PDE11A: variants seen among roughly 807,000 people sequenced by gnomAD.
PDE11A encodes the protein phosphodiesterase 11A.
A neutral mutation model predicts 100.5 loss-of-function variants in PDE11A; 100 were observed. That is an observed-to-expected ratio of 1.00 (90% CI 0.85 to 1.18). The LOEUF is 1.18. Ranked by LOEUF, PDE11A falls within the 50% of genes most tolerant of loss-of-function variation. PDE11A has a pLI of 0.00. For synonymous variants in PDE11A, 381 were observed against 420.8 expected, an observed-to-expected ratio of 0.91 and a Z score of 1.16; for missense variants, 1,141 against 1,152.6, an observed-to-expected ratio of 0.99 and a Z score of 0.15.
chr2:178,084,583 G>A (rs900733800), intron 2 of PDE11A, among the ~76,000 whole-genome samples: 2 of 152,150 alleles, frequency 1.3e-5, no homozygotes, highest in Non-Finnish European at 2.9e-5. Context: ...CAGGCTGCAA[G>A]CAACTATACA....
intron 2 of PDE11A, among the ~76,000 whole-genome samples, chr2:178,099,118 T>C (rs2087530339): frequency 6.6e-6 from 1 of 152,224 alleles, no homozygotes; most frequent in Non-Finnish European, 1.5e-5. Context: ...TTTATCCATT[T>C]ACTGATGTTT....
chr2:177,893,509 C>A (rs1488514535), intron 4 of PDE11A, among the ~76,000 whole-genome samples: 1 of 152,178 alleles, frequency 6.6e-6, no homozygotes, highest in Non-Finnish European at 1.5e-5. Flanking sequence ...ATGAGTAATT[C>A]CTCCCCTGAA....
intron 9 of PDE11A, among the ~76,000 whole-genome samples, chr2:177,794,308 C>T (rs1398153759): frequency 1.3e-5 from 2 of 152,138 alleles, no homozygotes; most frequent in East Asian, 3.9e-4. Flanking sequence ...GGTCCTATGG[C>T]ACAAATGTGC....
In PDE11A at chr2:177,849,768, C is replaced by T. The variant is rs1384719194; in HGVS notation, c.1368-9385G>A. Among the ~76,000 whole-genome samples the T allele has an allele frequency of 1.3e-4, 19 of 143,242 alleles. No individual in the cohort carries two copies. The South Asian group carries it at 1.9e-3, about 14-fold the overall frequency. The allele number at this position is 143,242 out of a possible 152,430, so 94.0% of individuals were successfully genotyped here. A position where few individuals can be genotyped will look rare whatever the true frequency, so the allele number is the denominator to read the frequency against. On this transcript the variant is annotated intron_variant, in intron 5 of 19. Transcript: ENST00000286063. Reference sequence around the variant, plus strand: ...TCGTGCCACTGCACTCCAGCCTGGGCGACAGAGCGAGACTCCATCTCAAAA... The same window carrying T: ...TCGTGCCACTGCACTCCAGCCTGGGTGACAGAGCGAGACTCCATCTCAAAA...
At chr2:177,925,700 C>T (rs1254221361) in intron 2 of PDE11A, among the ~76,000 whole-genome samples, 1 of 152,166 alleles carries the variant, frequency 6.6e-6, no homozygotes, top group Non-Finnish European at 1.5e-5. Flanking sequence ...TACCAAGAAG[C>T]TTACAAGGCA....
intron 19 of PDE11A, among the ~76,000 whole-genome samples, chr2:177,659,440 A>G (rs2080442628): frequency 1.3e-5 from 2 of 152,292 alleles, no homozygotes; most frequent in East Asian, 3.9e-4. Flanking sequence ...TTCTGGCTAG[A>G]TGCTGGCCAG....
intron 9 of PDE11A, among the ~76,000 whole-genome samples, chr2:177,787,640 A>T (rs1039896828): frequency 2.0e-5 from 3 of 150,030 alleles, no homozygotes; most frequent in African/African-American, 7.3e-5. Context: ...TATTCAGGAA[A>T]CCCATCTCAC....
intron 5 of PDE11A, among the ~76,000 whole-genome samples, chr2:177,853,933 T>C (rs1013196790): frequency 6.8e-6 from 1 of 148,008 alleles, no homozygotes; most frequent in Admixed American, 6.9e-5. Context: ...TGTATATATA[T>C]GTGTGTATAT....
At chr2:177,820,163 TA>T in intron 7 of PDE11A, 56 bp downstream of exon 7, 2 of 939,844 alleles carry the variant, frequency 2.1e-6, no homozygotes, top group Non-Finnish European at 3.5e-6. Flanking sequence ...GGGAATATTT[TA>T]AAGCAAACTT....
intron 2 of PDE11A, among the ~76,000 whole-genome samples, chr2:178,079,346 G>A (rs1167475642): frequency 6.6e-6 from 1 of 151,510 alleles, no homozygotes; most frequent in Non-Finnish European, 1.5e-5. Context: ...CCATGTCCAT[G>A]TGTTCTCATT....
chr2:177,759,651 A>G (rs530397110), intron 10 of PDE11A, among the ~76,000 whole-genome samples: 1 of 152,324 alleles, frequency 6.6e-6, no homozygotes, highest in Admixed American at 6.5e-5. Flanking sequence ...TGTAAGGAAG[A>G]CAGGCGAGAT....
chr2:178,073,083 GAGGCCCAGC>G (rs1414203853), upstream of PDE11A: 1 of 985,254 alleles, frequency 1.0e-6, no homozygotes, highest in African/African-American at 1.7e-5. Context: ...GCGTTTCGAG[GAGGCCCAGC>G]GGGAGCCCAG....
intron 2 of PDE11A, among the ~76,000 whole-genome samples, chr2:178,088,076 C>T (rs2087380846): frequency 6.6e-6 from 1 of 152,202 alleles, no homozygotes; most frequent in East Asian, 1.9e-4. Context: ...CCCTGACTCA[C>T]ATGATGGCGC....
At chr2:177,874,120 G>A (rs377358142) in intron 5 of PDE11A, among the ~76,000 whole-genome samples, 6 of 152,090 alleles carry the variant, frequency 3.9e-5, no homozygotes, top group East Asian at 1.9e-4. Flanking sequence ...TTTAAATGAC[G>A]TGTGGTTATG....
chr2:177,933,271 C>G lies in PDE11A; in HGVS notation c.1072-28084G>C, dbSNP rs116287404. Among the ~76,000 whole-genome samples, 1,480 of 152,170 alleles carry G rather than the reference C, an allele frequency of 9.7e-3. 22 individuals carry two copies. Among genetic ancestry groups the G allele is most frequent in the African/African-American group, 0.034 (1,405 of 41,514 alleles). On this transcript the variant is annotated intron_variant, in intron 2 of 19. Transcript: ENST00000286063. ...TATTGCTCAAAGCAATCTATAGGTT[C>G]AACACTATTTCTATCAAACTACCAA...
rs533698418 is a variant in PDE11A at position 177,878,036 on chromosome 2, A to G, written c.1303-2113T>C. ...CTTTATCAGTGAGGTAATGAACTCA[A>G]GCTAGGCAAATGCAACATTAGGGAA... On this transcript the variant is annotated intron_variant, in intron 4 of 19. Coordinates refer to ENST00000286063, the MANE Select transcript of PDE11A (RefSeq NM_016953.4). 9.8e-5 allele frequency among the ~76,000 whole-genome samples: 15 copies of G among 152,330 alleles called. No individual in the cohort carries two copies. In the South Asian group the frequency reaches 3.1e-3, roughly 32 times the overall value.
chr2:177,689,411 T>C (rs544784422), intron 15 of PDE11A, among the ~76,000 whole-genome samples: 2 of 152,146 alleles, frequency 1.3e-5, no homozygotes, highest in South Asian at 2.1e-4. Context: ...AACTCCAGAG[T>C]TGTCAGGCAG....
intron 2 of PDE11A, among the ~76,000 whole-genome samples, chr2:177,969,057 A>G (rs112880901): frequency 0.1 from 9,557 of 93,320 alleles, 312 homozygotes; most frequent in South Asian, 0.14. Context: ...AGAAAATGTG[A>G]CACATATACA....
chr2:177,763,580 T>C (rs2105493405), intron 10 of PDE11A, among the ~76,000 whole-genome samples: 1 of 152,276 alleles, frequency 6.6e-6, no homozygotes, highest in Non-Finnish European at 1.5e-5. Flanking sequence ...GGGGAGGAGC[T>C]GGAGGTGCCC....
Sources: allele counts gnomAD v4.1 joint callset (sites outside exome capture counted in the v4.1 genomes callset), GRCh38; gene constraint gnomAD v4.1.1; transcripts MANE v1.5; gene names NCBI Gene and HGNC (gene_info 2026-07-23, HGNC 2026-07-21).